The following GDAP1 variants were observed in gnomAD, a reference collection of about 807,000 sequenced individuals.
The protein encoded by GDAP1 is ganglioside induced differentiation associated protein 1.
In GDAP1, 34 loss-of-function variants were observed where a neutral mutation model predicts 40.1. The ratio of observed to expected loss-of-function variants is 0.85; its 90% confidence interval spans 0.64 to 1.13. The LOEUF (loss-of-function observed/expected upper bound fraction) is 1.13, where lower values mean the gene tolerates loss of function less well. Ranked by LOEUF, GDAP1 falls within the 50% of genes most tolerant of loss-of-function variation. GDAP1 has a pLI of 0.00. For synonymous variants in GDAP1, 170 were observed against 157.4 expected (o/e 1.08, Z -0.60); for missense variants, 374 against 433.7 (o/e 0.86, Z 1.22).
At chr8:74,472,835 C>T (rs1242414823) in intron 2 of GDAP1, among the ~76,000 whole-genome samples, 2 of 151,790 alleles carry the variant, frequency 1.3e-5, no homozygotes, top group East Asian at 3.9e-4. Context: ...GTAACTTCTG[C>T]CTCCCAAACT....
downstream of GDAP1, among the ~76,000 whole-genome samples, chr8:74,370,861 CAG>C (rs1202073227): frequency 2.0e-5 from 3 of 152,062 alleles, no homozygotes; most frequent in South Asian, 2.1e-4. Flanking sequence ...GAGTTTAAGA[CAG>C]AGTTTTACAA....
chr8:74,404,025 T>C (rs1805603735), intron 2 of GDAP1, among the ~76,000 whole-genome samples: 4 of 150,088 alleles, frequency 2.7e-5, no homozygotes, highest in Admixed American at 2.0e-4. Context: ...TTGAGAATGT[T>C]AGAAATCTCT....
intron 3 of GDAP1, 28 bp from the exon 4 acceptor site, chr8:74,361,856 T>G: frequency 7.9e-7 from 1 of 1,270,388 alleles, no homozygotes; most frequent in Non-Finnish European, 1.2e-6. Flanking sequence ...AAAATAATTT[T>G]CTGTTTCCAA....
In GDAP1 at chr8:74,351,375, A is replaced by G; in HGVS notation, c.219A>G (p.Ser73=). The G allele has an allele frequency of 6.2e-7, 1 of 1,613,678 alleles. No homozygotes were observed. ...HNEPWFMRLN[S]TGEVPVLIHG... is the part of the protein sequence containing the mutation. The stretch of plus-strand genomic sequence containing the variant: ...AGCCTTGGTTTATGCGTTTGAACTC[A>G]ACTGGAGAAGTGCCTGTCCTTATCC... The change falls in exon 2 of 6, where the codon TCA becomes TCG. Residue 73 remains serine (S), a synonymous_variant. Coordinates refer to ENST00000220822, the MANE Select transcript of GDAP1 (RefSeq NM_018972.4).
intron 2 of GDAP1, among the ~76,000 whole-genome samples, chr8:74,465,842 C>T (rs918421419): frequency 2.6e-5 from 4 of 151,636 alleles, no homozygotes; most frequent in African/African-American, 9.7e-5. Flanking sequence ...ACTTCTAGGC[C>T]AAAAGAGAGA....
At chr8:74,480,362 T>A (rs1390652069) in intron 2 of GDAP1, among the ~76,000 whole-genome samples, 1 of 152,176 alleles carries the variant, frequency 6.6e-6, no homozygotes, top group South Asian at 2.1e-4. Flanking sequence ...TTAACTGTAC[T>A]GTCACTCTAG....
At position 74,379,228 on chromosome 8, in the gene GDAP1, G is replaced by C. The variant is rs1219380716; in HGVS notation, c.165+27907G>C. ...TTTGGAACCCTCATATGAATTTCCT[G>C]GTATGTGGAGTAAGAGCCACTGTGT... On this transcript the variant is annotated intron_variant, in intron 2 of 2. Transcript: ENST00000523640. 2.0e-5 allele frequency among the ~76,000 whole-genome samples: 3 copies of C among 150,466 alleles called. No homozygotes were observed. In the East Asian group the frequency reaches 5.9e-4, roughly 29 times the overall value.
intron 2 of GDAP1, among the ~76,000 whole-genome samples, chr8:74,471,392 ATTAT>A (rs1269875877): frequency 1.3e-5 from 2 of 151,862 alleles, no homozygotes; most frequent in Non-Finnish European, 2.9e-5. Context: ...TACTTAAAAG[ATTAT>A]TTATTTAATT....
intron 2 of GDAP1, among the ~76,000 whole-genome samples, chr8:74,486,093 TG>T (rs1348922269): frequency 1.3e-5 from 2 of 152,142 alleles, no homozygotes; most frequent in Admixed American, 1.3e-4. Context: ...CACCATTCCA[TG>T]GGGGCATAGT....
chr8:74,457,670 G>A (rs868463168), intron 2 of GDAP1, among the ~76,000 whole-genome samples: 11 of 152,018 alleles, frequency 7.2e-5, no homozygotes, highest in Non-Finnish European at 1.3e-4. Context: ...TTTTTTAAAC[G>A]AAGAACATTT....
At position 74,407,497 on chromosome 8, in the gene GDAP1, C is replaced by A. The variant is rs894329378; in HGVS notation, c.165+56176C>A. ...AGTCTTCTGGCCTCCACCTTTCTCCCGTGCTGGATGCTTCCTGCCCTTGAA... is the reference window on the plus strand; with the variant it reads ...AGTCTTCTGGCCTCCACCTTTCTCCAGTGCTGGATGCTTCCTGCCCTTGAA... On this transcript the variant is annotated intron_variant, in intron 2 of 2. Coordinates refer to the GDAP1 transcript ENST00000523640. 5.3e-5 allele frequency among the ~76,000 whole-genome samples: 8 copies of A among 149,600 alleles called. 1 individual carries two copies. The highest frequency in any genetic ancestry group is 2.1e-4 in the African/African-American group (8 of 38,998).
intron 2 of GDAP1, among the ~76,000 whole-genome samples, chr8:74,353,687 T>C (rs3780013): frequency 0.29 from 44,794 of 152,028 alleles, 6,862 homozygotes; most frequent in Non-Finnish European, 0.34. Context: ...TTGTTAGAAC[T>C]GCAGAACCTT....
chr8:74,399,760 C>T (rs953637541), intron 2 of GDAP1, among the ~76,000 whole-genome samples: 3 of 121,182 alleles, frequency 2.5e-5, no homozygotes, highest in African/African-American at 4.1e-5. Context: ...TCTTTGTTCT[C>T]GTTGGTTTCA....
rs114601375 is a variant in GDAP1 at position 74,427,583 on chromosome 8, G to T, written c.166-61095G>T. 4.6e-3 allele frequency among the ~76,000 whole-genome samples: 702 copies of T among 152,208 alleles called. 8 individuals are homozygous for T. Among genetic ancestry groups the T allele is most frequent in the African/African-American group, 0.016 (644 of 41,534 alleles). ...CAGACAATCTTTGATACTCTTTCCA[G>T]CCCAATTTATCAATGATTTATTGTC... On this transcript the variant is annotated intron_variant, in intron 2 of 2. Transcript: ENST00000523640.
At chr8:74,475,271 G>A (rs1393874357) in intron 2 of GDAP1, among the ~76,000 whole-genome samples, 2 of 150,870 alleles carry the variant, frequency 1.3e-5, no homozygotes, top group Non-Finnish European at 3.0e-5. Context: ...ATTTTTTTGT[G>A]TCTCAGTGTC....
chr8:74,353,685 A>G (rs374876390), intron 2 of GDAP1, among the ~76,000 whole-genome samples: 110 of 152,166 alleles, frequency 7.2e-4, no homozygotes, highest in Non-Finnish European at 1.8e-4. Flanking sequence ...GCTTGTTAGA[A>G]CTGCAGAACC....
At chr8:74,455,470 A>G (rs1806325069) in intron 2 of GDAP1, among the ~76,000 whole-genome samples, 1 of 151,956 alleles carries the variant, frequency 6.6e-6, no homozygotes, top group South Asian at 2.1e-4. Context: ...ATGTGAAAGG[A>G]TATGACCCAA....
At chr8:74,458,296 T>A (rs1458313795) in intron 2 of GDAP1, among the ~76,000 whole-genome samples, 1 of 152,038 alleles carries the variant, frequency 6.6e-6, no homozygotes, top group Admixed American at 6.6e-5. Flanking sequence ...AAATATTAAT[T>A]TTCTTTAAGC....
At chr8:74,419,764 T>G (rs1805832320) in intron 2 of GDAP1, among the ~76,000 whole-genome samples, 3 of 152,170 alleles carry the variant, frequency 2.0e-5, no homozygotes, top group Non-Finnish European at 1.5e-5. Context: ...TATCTCTGTT[T>G]TCTTCTAGGG....
Sources: gnomAD v4.1 joint callset for allele counts (sites outside exome capture counted in the v4.1 genomes callset) on GRCh38, gnomAD v4.1.1 for gene constraint, MANE v1.5 for transcripts, NCBI Gene and HGNC (gene_info 2026-07-23, HGNC 2026-07-21) for gene names.